CSMD3: variants seen among roughly 807,000 people sequenced by gnomAD.
CSMD3 encodes CUB and Sushi multiple domains 3, also known as CUB and sushi domain-containing protein 3.
In CSMD3, 177 loss-of-function variants were observed where a neutral mutation model predicts 435.2. That is an observed-to-expected ratio of 0.41 (90% CI 0.36 to 0.46). The LOEUF (loss-of-function observed/expected upper bound fraction) is 0.46. Among genes scored for constraint, CSMD3 ranks in the 20% least tolerant of loss-of-function variants. The probability of loss-of-function intolerance (pLI) is 0.34; values close to 1 mark genes in which losing one functional copy is unlikely to be tolerated. For synonymous variants in CSMD3, 1,656 were observed against 1,520.5 expected, an observed-to-expected ratio of 1.09 and a Z score of -2.07; for missense variants, 4,265 against 4,504.6, an observed-to-expected ratio of 0.95 and a Z score of 1.52.
intron 4 of CSMD3, among the ~76,000 whole-genome samples, chr8:113,107,776 GTC>G (rs796237120): frequency 1.6e-4 from 24 of 152,268 alleles, no homozygotes; most frequent in African/African-American, 5.5e-4. Context: ...TGATGGCAGA[GTC>G]TCTTTTCTAC....
At chr8:113,106,295 G>A (rs545277261) in intron 4 of CSMD3, among the ~76,000 whole-genome samples, 4 of 151,754 alleles carry the variant, frequency 2.6e-5, no homozygotes, top group East Asian at 1.9e-4. Context: ...CACATGAAAC[G>A]TTAAGAGACA....
intron 22 of CSMD3, among the ~76,000 whole-genome samples, chr8:112,603,479 TG>T (rs1832540341): frequency 6.6e-6 from 1 of 152,200 alleles, no homozygotes; most frequent in South Asian, 2.1e-4. Flanking sequence ...TAGTACAGTA[TG>T]TACTGTAGTT....
chr8:112,747,828 T>A (rs2077470091), intron 13 of CSMD3, among the ~76,000 whole-genome samples: 1 of 151,840 alleles, frequency 6.6e-6, no homozygotes, highest in Admixed American at 6.6e-5. Flanking sequence ...CCGGGCGCAG[T>A]GGCGGGCGCC....
At chr8:112,414,803 T>C (rs1384747770) in intron 32 of CSMD3, among the ~76,000 whole-genome samples, 1 of 152,182 alleles carries the variant, frequency 6.6e-6, no homozygotes, top group Non-Finnish European at 1.5e-5. Flanking sequence ...GATGAGAAAC[T>C]TGTTGAGAAC....
chr8:113,243,711 C>A (rs1441208553), intron 3 of CSMD3, among the ~76,000 whole-genome samples: 2 of 152,082 alleles, frequency 1.3e-5, no homozygotes, highest in African/African-American at 4.8e-5. Context: ...GTGGCTACAA[C>A]AGCTTACATA....
At chr8:112,655,104 A>G (rs750629827) in intron 18 of CSMD3, among the ~76,000 whole-genome samples, 42 of 152,264 alleles carry the variant, frequency 2.8e-4, no homozygotes, top group South Asian at 8.3e-4. Context: ...TGTAGATAAG[A>G]TGATTTAAAA....
chr8:112,667,453 A>T (rs939268731), intron 16 of CSMD3, among the ~76,000 whole-genome samples: 2 of 152,284 alleles, frequency 1.3e-5, no homozygotes, highest in Admixed American at 6.5e-5. Context: ...AAATAACATC[A>T]TCTCATCCTT....
intron 1 of CSMD3, 49 bp from the exon 2 acceptor site, chr8:113,314,842 C>A (rs760949460): frequency 8.4e-7 from 1 of 1,194,724 alleles, no homozygotes; most frequent in South Asian, 1.2e-5. Context: ...AAATCAAGAA[C>A]AATCCATGAG....
chr8:113,324,237 A>T (rs1253140695), intron 1 of CSMD3, among the ~76,000 whole-genome samples: 2 of 152,204 alleles, frequency 1.3e-5, no homozygotes, highest in Non-Finnish European at 2.9e-5. Context: ...AAAGAATGTG[A>T]ATCCTCAACA....
intron 7 of CSMD3, among the ~76,000 whole-genome samples, chr8:112,965,153 C>T (rs952564677): frequency 2.6e-5 from 4 of 151,788 alleles, no homozygotes; most frequent in Non-Finnish European, 5.9e-5. Flanking sequence ...GCTTTGAGCA[C>T]AAATAGAAAG....
At chr8:112,378,914 C>A (rs11782384) in intron 38 of CSMD3, among the ~76,000 whole-genome samples, 30,784 of 151,436 alleles carry the variant, frequency 0.2, 3,683 homozygotes, top group East Asian at 0.39. Flanking sequence ...TCACATGTAT[C>A]CCAGAAATAT....
At chr8:112,548,510 A>T (rs1022945375) in intron 27 of CSMD3, among the ~76,000 whole-genome samples, 6 of 152,144 alleles carry the variant, frequency 3.9e-5, no homozygotes, top group Admixed American at 1.3e-4. Flanking sequence ...TTATCACTCC[A>T]GGCATCTGCT....
At chr8:112,567,291 G>A (rs557996293) in intron 24 of CSMD3, among the ~76,000 whole-genome samples, 1 of 152,086 alleles carries the variant, frequency 6.6e-6, no homozygotes, top group African/African-American at 2.4e-5. Flanking sequence ...CTTTAAGATG[G>A]AGTCTGAACA....
At chr8:112,658,894 G>A (rs1227545241) in intron 17 of CSMD3, among the ~76,000 whole-genome samples, 1 of 152,112 alleles carries the variant, frequency 6.6e-6, no homozygotes, top group Non-Finnish European at 1.5e-5. Context: ...GGCGGAGGTT[G>A]CAGTGGGCCG....
intron 9 of CSMD3, among the ~76,000 whole-genome samples, chr8:112,944,544 A>G (rs1005789401): frequency 6.6e-6 from 1 of 151,762 alleles, no homozygotes; most frequent in African/African-American, 2.4e-5. Context: ...TCAGTAGTTT[A>G]TATAACTTGA....
chr8:112,448,867 C>T (rs908988241), intron 32 of CSMD3, among the ~76,000 whole-genome samples: 15 of 151,820 alleles, frequency 9.9e-5, no homozygotes, highest in African/African-American at 4.8e-5. Context: ...AATCCTTTAC[C>T]GCTCTTCAAA....
intron 10 of CSMD3, among the ~76,000 whole-genome samples, chr8:112,889,487 C>T (rs1352269964): frequency 6.6e-6 from 1 of 151,638 alleles, no homozygotes; most frequent in Non-Finnish European, 1.5e-5. Flanking sequence ...ACCAGCCTAG[C>T]ATTAGTTTAT....
At chr8:113,196,884 C>T (rs1046372957) in intron 3 of CSMD3, among the ~76,000 whole-genome samples, 9 of 151,146 alleles carry the variant, frequency 6.0e-5, no homozygotes, top group East Asian at 2.0e-4. Flanking sequence ...GTTCTTAAAA[C>T]TTGTAGTAAA....
At chr8:113,386,672 A>T (rs2094440653) in intron 1 of CSMD3, among the ~76,000 whole-genome samples, 1 of 151,858 alleles carries the variant, frequency 6.6e-6, no homozygotes, top group South Asian at 2.1e-4. Flanking sequence ...AATGGCAATC[A>T]TAGCAATTAG....
Sources: gnomAD v4.1 joint callset for allele counts (sites outside exome capture counted in the v4.1 genomes callset) on GRCh38, gnomAD v4.1.1 for gene constraint, MANE v1.5 for transcripts, NCBI Gene and HGNC (gene_info 2026-07-23, HGNC 2026-07-21) for gene names.